The following MARCHF1 variants were observed in gnomAD, a reference collection of about 807,000 sequenced individuals.
MARCHF1 encodes the protein E3 ubiquitin-protein ligase MARCHF1.
In MARCHF1, 40 loss-of-function variants were observed where a neutral mutation model predicts 54.2. The observed-to-expected ratio is 0.74, with a 90% CI of 0.57 to 0.96. The LOEUF is 0.96. MARCHF1 is among the 40% of genes least tolerant of loss of function. The pLI is 0.00. For synonymous variants in MARCHF1, 236 were observed against 236.3 expected (o/e 1.00, Z 0.01); for missense variants, 586 against 656.5 (o/e 0.89, Z 1.17).
At chr4:164,382,688 C>G (rs1264028430) in intron 1 of MARCHF1, among the ~76,000 whole-genome samples, 2 of 152,088 alleles carry the variant, frequency 1.3e-5, no homozygotes, top group Non-Finnish European at 2.9e-5. Context: ...TCCTTGTGAT[C>G]TGAAAATTGA....
chr4:163,839,536 GT>G (rs758579443), intron 4 of MARCHF1, among the ~76,000 whole-genome samples: 4 of 152,042 alleles, frequency 2.6e-5, no homozygotes, highest in Non-Finnish European at 5.9e-5. Flanking sequence ...ACAAAATGAA[GT>G]TTTGACACAT....
At chr4:164,158,030 T>C (rs990796054) in intron 1 of MARCHF1, among the ~76,000 whole-genome samples, 1 of 152,200 alleles carries the variant, frequency 6.6e-6, no homozygotes, top group African/African-American at 2.4e-5. Flanking sequence ...TTGCTTCTAC[T>C]TTCACTTGAC....
intron 4 of MARCHF1, among the ~76,000 whole-genome samples, chr4:163,836,368 C>T (rs1170231974): frequency 1.3e-5 from 2 of 150,308 alleles, no homozygotes; most frequent in African/African-American, 4.9e-5. Context: ...GCCTCAGCCT[C>T]CTGAATAGCT....
intron 1 of MARCHF1, chr4:164,197,314 T>C (rs1036935516): frequency 6.2e-7 from 1 of 1,612,170 alleles, no homozygotes. Context: ...CAGGAGAAGC[T>C]TGAACACGTT....
At chr4:163,751,001 G>T (rs1275662952) in intron 4 of MARCHF1, among the ~76,000 whole-genome samples, 1 of 152,060 alleles carries the variant, frequency 6.6e-6, no homozygotes, top group Non-Finnish European at 1.5e-5. Context: ...AAAATAGAAA[G>T]ATAATAAAAT....
At chr4:164,372,162 G>T (rs969866414) in intron 1 of MARCHF1, among the ~76,000 whole-genome samples, 1 of 152,168 alleles carries the variant, frequency 6.6e-6, no homozygotes, top group Non-Finnish European at 1.5e-5. Context: ...TTTAATTTCT[G>T]TATAGTATTC....
intron 3 of MARCHF1, among the ~76,000 whole-genome samples, chr4:163,986,249 C>CCTTTTTTTTTTTTT (rs1752864138): frequency 6.9e-5 from 2 of 28,830 alleles, no homozygotes; most frequent in Non-Finnish European, 1.5e-4. Context: ...TTAACCTCTT[C>CCTTTTTTTTTTTTT]TTTTTTTTTT....
At chr4:164,339,501 A>C (rs992365026) in intron 1 of MARCHF1, among the ~76,000 whole-genome samples, 1 of 152,212 alleles carries the variant, frequency 6.6e-6, no homozygotes, top group African/African-American at 2.4e-5. Context: ...AATTTTAAAA[A>C]ATGTTAAAAT....
At chr4:164,322,828 G>A (rs1056841712) in intron 1 of MARCHF1, among the ~76,000 whole-genome samples, 1 of 151,934 alleles carries the variant, frequency 6.6e-6, no homozygotes, top group Non-Finnish European at 1.5e-5. Context: ...GGAACTTTAA[G>A]TTTACCTACA....
chr4:164,111,004 G>T (rs1755823265), intron 2 of MARCHF1, among the ~76,000 whole-genome samples: 2 of 151,642 alleles, frequency 1.3e-5, no homozygotes, highest in African/African-American at 2.4e-5. Context: ...TGGTTGCTCT[G>T]GGTCATGTGA....
intron 5 of MARCHF1, among the ~76,000 whole-genome samples, chr4:163,634,773 C>T (rs1742251558): frequency 7.0e-6 from 1 of 143,666 alleles, no homozygotes; most frequent in South Asian, 2.3e-4. Context: ...GAAGTCTCCA[C>T]CCCAAATCAA....
At position 163,725,889 on chromosome 4, in the gene MARCHF1, A is replaced by G. The variant is rs1026756139; in HGVS notation, c.112-25026T>C. ...TGTTTTTGTTAATTTTTACTAAACA[A>G]CTATGCTTAGGATGACATCTTATGA... On this transcript the variant is annotated intron_variant, in intron 4 of 9. Coordinates refer to ENST00000514618, the MANE Select transcript of MARCHF1 (RefSeq NM_001394959.1). Among the ~76,000 whole-genome samples, 4 of 152,218 alleles carry G rather than the reference A, an allele frequency of 2.6e-5. No individual in the cohort carries two copies. The South Asian group carries it at 6.2e-4, about 24-fold the overall frequency.
intron 2 of MARCHF1, among the ~76,000 whole-genome samples, chr4:164,031,331 G>T (rs1219410532): frequency 6.6e-6 from 1 of 151,974 alleles, no homozygotes; most frequent in Non-Finnish European, 1.5e-5. Flanking sequence ...GGGGTCAGTG[G>T]TGATATCCCC....
intron 4 of MARCHF1, among the ~76,000 whole-genome samples, chr4:163,752,382 G>A (rs1007210969): frequency 1.3e-5 from 2 of 152,134 alleles, no homozygotes; most frequent in East Asian, 1.9e-4. Context: ...ATATCACAAC[G>A]ACACCATAGG....
intron 1 of MARCHF1, among the ~76,000 whole-genome samples, chr4:164,357,295 G>A (rs913122589): frequency 1.3e-5 from 2 of 151,896 alleles, no homozygotes; most frequent in Admixed American, 6.6e-5. Flanking sequence ...AGCTTCTAGC[G>A]GCCACTTAGA....
rs142357077 is a variant in MARCHF1 at position 164,032,013 on chromosome 4, T to A, written c.-247-43304A>T. Among the ~76,000 whole-genome samples the A allele has an allele frequency of 3.2e-3, 483 of 152,266 alleles. 3 individuals are homozygous for A. The highest frequency in any genetic ancestry group is 0.011 in the African/African-American group (466 of 41,552). On this transcript the variant is annotated intron_variant, in intron 2 of 9. Transcript: ENST00000514618. Reference sequence around the variant, plus strand: ...TTAGTTGTGCCTTAATTTCAGAACTTTTTATTGGACTATTCAGGAATTCAA... The same window carrying A: ...TTAGTTGTGCCTTAATTTCAGAACTATTTATTGGACTATTCAGGAATTCAA...
At chr4:164,203,486 G>A (rs999921908) in intron 1 of MARCHF1, among the ~76,000 whole-genome samples, 2 of 152,108 alleles carry the variant, frequency 1.3e-5, no homozygotes, top group African/African-American at 2.4e-5. Flanking sequence ...CTTACTCCAT[G>A]GAAGATAGTC....
intron 5 of MARCHF1, among the ~76,000 whole-genome samples, chr4:163,637,174 A>T (rs1742364595): frequency 6.6e-6 from 1 of 152,128 alleles, no homozygotes; most frequent in Admixed American, 6.5e-5. Flanking sequence ...ACCATTCAGG[A>T]CATAGGCATG....
intron 2 of MARCHF1, among the ~76,000 whole-genome samples, chr4:164,036,141 A>C (rs954595555): frequency 4.6e-5 from 7 of 151,444 alleles, no homozygotes; most frequent in Non-Finnish European, 7.4e-5. Context: ...CAAAAAAAAA[A>C]ACAATTTTTA....
Sources: allele counts gnomAD v4.1 joint callset (sites outside exome capture counted in the v4.1 genomes callset), GRCh38; gene constraint gnomAD v4.1.1; transcripts MANE v1.5; gene names NCBI Gene and HGNC (gene_info 2026-07-23, HGNC 2026-07-21).